The following MYRF variants were observed in gnomAD, a reference collection of about 807,000 sequenced individuals.
MYRF encodes myelin gene regulatory factor.
Under a neutral mutation model 126.3 loss-of-function variants are expected in MYRF, and 16 were observed. The observed-to-expected ratio is 0.13, with a 90% CI of 0.09 to 0.19. The LOEUF is 0.19. Ranked by LOEUF, MYRF falls within the 10% of genes least tolerant of loss-of-function variation. MYRF has a pLI of 1.00. For missense variants in MYRF, 1,104 were observed against 1,547.0 expected (o/e 0.71, Z 4.80); for synonymous variants, 608 against 635.3 (o/e 0.96, Z 0.65).
rs527813771 is a variant in MYRF, at chr11:61,777,092, C to T, written c.1591-172C>T. Reference sequence around the variant, plus strand: ...ACGAAGCCTGGTAGCTTCTGGGATCCCACAAGTGACAAAAAGTTGTCACAG... The same window carrying T: ...ACGAAGCCTGGTAGCTTCTGGGATCTCACAAGTGACAAAAAGTTGTCACAG... On this transcript the variant is annotated intron_variant, in intron 11 of 26. Transcript: ENST00000278836. This position sits in a 1 kb window ranked among gnomAD's most constrained non-coding sequence, Gnocchi z 8.8. Among the ~76,000 whole-genome samples the T allele has an allele frequency of 3.3e-5, 5 of 152,234 alleles. No individual in the cohort carries two copies. The highest frequency in any genetic ancestry group is 2.6e-4 in the Admixed American group (4 of 15,298).
chr11:61,761,176 C>T (rs538027280), intron 1 of MYRF, among the ~76,000 whole-genome samples: 10 of 151,668 alleles, frequency 6.6e-5, no homozygotes, highest in Admixed American at 1.3e-4. Flanking sequence ...GTGGGCAGGG[C>T]ACAAGCCTCC....
Position 61,778,288 on chromosome 11 carries a change from C to A in MYRF, c.1904-92C>A. On this transcript the variant is annotated intron_variant, in intron 13 of 26. Coordinates refer to ENST00000278836, the MANE Select transcript of MYRF (RefSeq NM_001127392.3). This position sits in a 1 kb window ranked among gnomAD's most constrained non-coding sequence, Gnocchi z 4.6. ...AAATCTCTGGGTTCCAGAACTTCAC[C>A]CTCTCCAGTCTTGCTCCCACTGTAC... The A allele has an allele frequency of 1.2e-6, 1 of 866,052 alleles. No individual in the cohort carries two copies. The highest frequency in any genetic ancestry group is 2.0e-6 in the Non-Finnish European group (1 of 508,880). 53.6% of individuals were successfully genotyped at this position (866,052 alleles called of 1,614,324 possible). A position where few individuals can be genotyped will look rare whatever the true frequency, so the allele number is the denominator to read the frequency against.
chr11:61,758,240 G>A (rs573730644), intron 1 of MYRF, among the ~76,000 whole-genome samples: 1 of 152,188 alleles, frequency 6.6e-6, no homozygotes, highest in African/African-American at 2.4e-5. Context: ...CCAGCTGACC[G>A]GGGTCCGTGC....
chr11:61,770,127 C>T (rs2066170806), intron 4 of MYRF, 119 bp from the exon 5 acceptor site: 5 of 1,036,416 alleles, frequency 4.8e-6, no homozygotes, highest in Admixed American at 3.1e-5. Flanking sequence ...AGGTGGGGGG[C>T]AGCCCCCGGG....
At position 61,783,705 on chromosome 11, in the gene MYRF, TAAGG is replaced by T. The variant is rs2066614400; in HGVS notation, c.3119+110_3119+113del. ...CCCTTTCAGGGAGGAGCCTCCCCCA[TAAGG>T]AAGGGTAGCCCCTTTCCAGGCTACC... is the stretch of plus-strand genomic sequence containing the variant. On this transcript the variant is annotated intron_variant, in intron 23 of 26. Coordinates refer to ENST00000278836, the MANE Select transcript of MYRF (RefSeq NM_001127392.3). The surrounding 1 kb of genome is among the most constrained non-coding windows in gnomAD (Gnocchi z 4.6). The T allele has an allele frequency of 2.2e-6, 3 of 1,339,232 alleles. No homozygotes were observed. The highest frequency in any genetic ancestry group is 2.3e-5 in the East Asian group (1 of 42,960). The allele number at this position is 1,339,232 out of a possible 1,614,324, so 83.0% of individuals were successfully genotyped here. A position where few individuals can be genotyped will look rare whatever the true frequency, so the allele number is the denominator to read the frequency against.
At chr11:61,758,692 C>T (rs1376157877) in intron 1 of MYRF, among the ~76,000 whole-genome samples, 2 of 152,194 alleles carry the variant, frequency 1.3e-5, no homozygotes, top group Non-Finnish European at 1.5e-5. Context: ...GGCTTTTGCA[C>T]CGGCTGTCCC....
intron 3 of MYRF, chr11:61,767,180 GC>G (rs752600490): frequency 2.2e-6 from 1 of 456,780 alleles, no homozygotes; most frequent in South Asian, 1.5e-5. Context: ...GGCTTGGGGT[GC>G]CAGGGGTGAA....
At position 61,776,174 on chromosome 11, in the gene MYRF, C is replaced by A. The variant is rs1237507786; in HGVS notation, c.1388+42C>A. 6.2e-7 allele frequency: 1 copy of A among 1,606,990 alleles called. No individual in the cohort carries two copies. The highest frequency in any genetic ancestry group is 1.7e-5 in the Admixed American group (1 of 59,990). ...GTTGGGGGTGGTACCTAGAAGGGTC[C>A]ACAACTAAAGCTGGCTTGGGAATGG... is the stretch of plus-strand genomic sequence containing the variant. On this transcript the variant is annotated intron_variant, in intron 9 of 26. Transcript: ENST00000278836. This position sits in a 1 kb window ranked among gnomAD's most constrained non-coding sequence, Gnocchi z 4.3.
intron 4 of MYRF, 53 bp downstream of exon 4, chr11:61,769,374 G>C (rs1204151437): frequency 2.0e-6 from 3 of 1,465,710 alleles, no homozygotes; most frequent in Non-Finnish European, 2.8e-6. Flanking sequence ...AAGTAGTTGG[G>C]GCGGCCTTAT....
Position 61,776,746 on chromosome 11 carries a change from G to A in MYRF, c.1500-41G>A, listed in dbSNP as rs1055093633. 1 of 1,494,376 alleles carries A rather than the reference G, an allele frequency of 6.7e-7. No individual in the cohort carries two copies. Among genetic ancestry groups the A allele is most frequent in the Non-Finnish European group, 9.1e-7 (1 of 1,099,340 alleles). 92.6% of individuals were successfully genotyped at this position (1,494,376 alleles called of 1,614,324 possible). ...AGGGAAAGGGTGGCCCTGGGGGCGG[G>A]GGCAGGCCATGAGTACTTCTGAGAC... On this transcript the variant is annotated intron_variant, in intron 10 of 26. Transcript: ENST00000278836. This position sits in a 1 kb window ranked among gnomAD's most constrained non-coding sequence, Gnocchi z 4.3.
chr11:61,773,910 C>T (rs566714796), intron 7 of MYRF, 57 bp from the exon 8 acceptor site: 12 of 1,475,462 alleles, frequency 8.1e-6, no homozygotes, highest in East Asian at 2.3e-5. Context: ...TAGGAGGAAC[C>T]GATGTTCCAG....
intron 14 of MYRF, 28 bp from the exon 15 acceptor site, chr11:61,779,235 A>T (rs781218530): frequency 1.3e-6 from 2 of 1,528,782 alleles, no homozygotes; most frequent in African/African-American, 1.4e-5. Flanking sequence ...GTGTTGGCCC[A>T]TGGCCCATGG....
chr11:61,770,516 A>G lies in MYRF; in HGVS notation c.731A>G (p.His244Arg). 6.4e-7 allele frequency: 1 copy of G among 1,563,234 alleles called. No homozygotes were observed. The highest frequency in any genetic ancestry group is 1.4e-5 in the African/African-American group (1 of 73,962). ...ATGCTGCACCAGCTCCTGCAGCAGC[A>G]CGGAGCTGAGTAAGACGTGGGTGGC... ...SQMLHQLLQQ[H>R]GAELPTHPSK... Residue 244 changes from histidine (H) to arginine (R), a missense_variant, in exon 5 of 27, where the codon CAC becomes CGC. His to Arg is a conservative substitution (Grantham distance 29). Coordinates refer to ENST00000278836, the MANE Select transcript of MYRF (RefSeq NM_001127392.3).
chr11:61,766,043 C>G lies in MYRF; in HGVS notation c.220C>G (p.His74Asp). 6.3e-7 allele frequency: 1 copy of G among 1,599,580 alleles called. No individual in the cohort carries two copies. The highest frequency in any genetic ancestry group is 1.1e-5 in the South Asian group (1 of 90,158). Residue 74 changes from histidine (H) to aspartate (D), a missense_variant, in exon 3 of 27, where the codon CAC (histidine) becomes GAC (aspartate). This residue lies in a region of MYRF where 368 missense variants were observed against 403.9 expected (regional missense o/e 0.91). Transcript: ENST00000278836. Reference sequence around the variant, plus strand: ...GATGCCTGGCTCCAGCGGGGTCCACCACCTGAGCCCCCCTGGGGGTGGACC... The same window carrying G: ...GATGCCTGGCTCCAGCGGGGTCCACGACCTGAGCCCCCCTGGGGGTGGACC... ...PAMPGSSGVH[H>D]LSPPGGGPSP...
intron 1 of MYRF, among the ~76,000 whole-genome samples, chr11:61,761,506 A>G (rs1051496769): frequency 4.6e-5 from 7 of 152,214 alleles, no homozygotes; most frequent in African/African-American, 1.7e-4. Flanking sequence ...TGTTCCAGGC[A>G]GGTAATAAAG....
At position 61,778,664 on chromosome 11, in the gene MYRF, A is replaced by G. The variant is rs1205739446; in HGVS notation, c.2013+175A>G. 1.5e-6 allele frequency: 1 copy of G among 662,708 alleles called. No homozygotes were observed. The highest frequency in any genetic ancestry group is 2.1e-5 in the Admixed American group (1 of 48,484). The allele number at this position is 662,708 out of a possible 1,614,324, so 41.1% of individuals were successfully genotyped here. A position where few individuals can be genotyped will look rare whatever the true frequency, so the allele number is the denominator to read the frequency against. On this transcript the variant is annotated intron_variant, in intron 14 of 26. Coordinates refer to ENST00000278836, the MANE Select transcript of MYRF (RefSeq NM_001127392.3). This position sits in a 1 kb window ranked among gnomAD's most constrained non-coding sequence, Gnocchi z 4.6. ...CCCACAGGGAAGGGGTGAGTGTTCA[A>G]GGAGATGAGTGGGTAGGGATTTGGC...
Position 61,776,642 on chromosome 11 carries a change from C to T in MYRF, c.1500-145C>T. On this transcript the variant is annotated intron_variant, in intron 10 of 26. Coordinates refer to ENST00000278836, the MANE Select transcript of MYRF (RefSeq NM_001127392.3). This position sits in a 1 kb window ranked among gnomAD's most constrained non-coding sequence, Gnocchi z 4.3. ...AACAGCCCTGGCTTCTTGCTGTGGGCCCTGGGGAATTTCTGCCCCCTGGTG... is the reference window on the plus strand; with the variant it reads ...AACAGCCCTGGCTTCTTGCTGTGGGTCCTGGGGAATTTCTGCCCCCTGGTG... 1 of 751,080 alleles carries T rather than the reference C, an allele frequency of 1.3e-6. No individual in the cohort carries two copies. Among genetic ancestry groups the T allele is most frequent in the Non-Finnish European group, 2.2e-6 (1 of 464,298 alleles). 46.5% of individuals were successfully genotyped at this position (751,080 alleles called of 1,614,324 possible).
chr11:61,777,820 C>T lies in MYRF; in HGVS notation c.1878C>T (p.Gly626=). The part of the protein sequence containing the change: ...RYKPEFAASA[G]IEATAPETGV... ...AGCCCGAGTTCGCCGCCAGCGCGGG[C>T]ATCGAGGCCACCGCGCCAGAGACAG... The change falls in exon 13 of 27, where the codon GGC becomes GGT. Residue 626 remains glycine (G), a synonymous_variant. Coordinates refer to ENST00000278836, the MANE Select transcript of MYRF (RefSeq NM_001127392.3). This position sits in a 1 kb window ranked among gnomAD's most constrained non-coding sequence, Gnocchi z 8.8. 2.6e-6 allele frequency: 4 copies of T among 1,552,292 alleles called. No homozygotes were observed. The South Asian group carries it at 4.8e-5, about 18-fold the overall frequency.
intron 1 of MYRF, among the ~76,000 whole-genome samples, chr11:61,759,875 G>C (rs1049014928): frequency 6.6e-6 from 1 of 152,176 alleles, no homozygotes; most frequent in African/African-American, 2.4e-5. Context: ...GAGAGGCAAA[G>C]GGTTGCTTGC....
Sources: gnomAD v4.1 joint callset for allele counts (sites outside exome capture counted in the v4.1 genomes callset) on GRCh38, gnomAD v4.1.1 for gene constraint, gnomAD v4.1.1 regional missense constraint, Gnocchi (gnomAD v3.1) non-coding constraint, MANE v1.5 for transcripts, NCBI Gene and HGNC (gene_info 2026-07-23, HGNC 2026-07-21) for gene names.